Variants in TTC17 observed in about 807,000 individuals in gnomAD.
TTC17 encodes tetratricopeptide repeat protein 17.
A neutral mutation model predicts 143.8 loss-of-function variants in TTC17; 58 were observed. The observed-to-expected ratio is 0.40, with a 90% CI of 0.33 to 0.50. TTC17 has a LOEUF of 0.50. Among genes scored for constraint, TTC17 ranks in the 20% least tolerant of loss-of-function variants. TTC17 has a pLI of 0.49. For missense variants in TTC17, 1,273 were observed against 1,392.5 expected (o/e 0.91, Z 1.37); for synonymous variants, 501 against 497.8 (o/e 1.01, Z -0.09).
chr11:43,435,117 AG>A (rs1365653429), intron 16 of TTC17: 1 of 151,940 alleles, frequency 6.6e-6, no homozygotes, highest in Admixed American at 6.6e-5. Context: ...ATAGATAGAT[AG>A]ATAGATAGAT....
At chr11:43,434,995 C>T (rs1303600680) in intron 16 of TTC17, 1 of 151,970 alleles carries the variant, frequency 6.6e-6, no homozygotes, top group African/African-American at 2.4e-5. Flanking sequence ...TGAAAGAGAG[C>T]CATCAGTCAA....
At chr11:43,432,803 G>T (rs920178941) in intron 16 of TTC17, among the ~76,000 whole-genome samples, 2 of 152,078 alleles carry the variant, frequency 1.3e-5, no homozygotes, top group Non-Finnish European at 2.9e-5. Flanking sequence ...GTTCCCCTTT[G>T]AGCTGGAGCA....
intron 2 of TTC17, among the ~76,000 whole-genome samples, chr11:43,379,914 A>G (rs1565134514): frequency 6.6e-6 from 1 of 152,068 alleles, no homozygotes; most frequent in South Asian, 2.1e-4. Context: ...AGCAAACAGT[A>G]TTTGTTATTT....
chr11:43,433,960 A>G (rs777359843), intron 16 of TTC17, among the ~76,000 whole-genome samples: 6 of 152,066 alleles, frequency 3.9e-5, no homozygotes, highest in South Asian at 2.1e-4. Flanking sequence ...ATTATACTCA[A>G]TTGGGTGTGC....
At chr11:43,422,515 A>T (rs1451032709) in intron 16 of TTC17, among the ~76,000 whole-genome samples, 1 of 152,222 alleles carries the variant, frequency 6.6e-6, no homozygotes, top group Non-Finnish European at 1.5e-5. Flanking sequence ...GTCAAAAATC[A>T]GTTACTAGGG....
chr11:43,402,817 C>T (rs531769385), intron 10 of TTC17, among the ~76,000 whole-genome samples: 5 of 152,136 alleles, frequency 3.3e-5, no homozygotes, highest in Non-Finnish European at 7.3e-5. Context: ...GAAAACTCAT[C>T]ATGTCTAATC....
At chr11:43,447,492 C>T (rs1405223846) in intron 18 of TTC17, 1 of 152,594 alleles carries the variant, frequency 6.6e-6, no homozygotes, top group Non-Finnish European at 1.5e-5. Context: ...GTTGTTATAT[C>T]TGGGGAACAG....
At chr11:43,397,513 A>T (rs1479511078) in intron 7 of TTC17, 22 bp downstream of exon 7, 2 of 1,558,796 alleles carry the variant, frequency 1.3e-6, no homozygotes, top group African/African-American at 1.4e-5. Flanking sequence ...TCTTTGTTTC[A>T]TGAGTCATGC....
At chr11:43,389,605 C>A (rs757566055) in intron 2 of TTC17, 47 bp from the exon 3 acceptor site, 7 of 1,529,694 alleles carry the variant, frequency 4.6e-6, no homozygotes, top group Non-Finnish European at 6.1e-6. Context: ...GGTAGTTAGA[C>A]TAAAATATTA....
intron 21 of TTC17, among the ~76,000 whole-genome samples, chr11:43,468,868 T>C (rs1281945879): frequency 6.6e-6 from 1 of 152,142 alleles, no homozygotes; most frequent in African/African-American, 2.4e-5. Context: ...GAGGATGTAA[T>C]GAGCTATGAT....
intron 21 of TTC17, among the ~76,000 whole-genome samples, chr11:43,470,924 T>C (rs1948079932): frequency 6.6e-6 from 1 of 152,136 alleles, no homozygotes; most frequent in Non-Finnish European, 1.5e-5. Context: ...TACTAAAGGG[T>C]CCCCATGTTC....
At chr11:43,405,981 C>T in intron 13 of TTC17, 30 bp downstream of exon 13, 1 of 1,601,158 alleles carries the variant, frequency 6.2e-7, no homozygotes, top group South Asian at 1.1e-5. Flanking sequence ...GTATTTATTG[C>T]CGTCCATTCT....
intron 10 of TTC17, among the ~76,000 whole-genome samples, chr11:43,401,824 A>G (rs1857868476): frequency 6.6e-6 from 1 of 151,880 alleles, no homozygotes. Context: ...AAAAACATAT[A>G]TAAATTGGCC....
intron 21 of TTC17, among the ~76,000 whole-genome samples, chr11:43,460,399 T>C (rs11602173): frequency 0.088 from 13,437 of 152,222 alleles, 748 homozygotes; most frequent in Middle Eastern, 0.15. Flanking sequence ...GTAGATTACA[T>C]GGCTTCTGTC....
chr11:43,434,164 C>T (rs987079836), intron 16 of TTC17, among the ~76,000 whole-genome samples: 4 of 137,582 alleles, frequency 2.9e-5, no homozygotes, highest in African/African-American at 1.1e-4. Flanking sequence ...CCTCCATGGG[C>T]GGGGACACAC....
intron 16 of TTC17, among the ~76,000 whole-genome samples, chr11:43,421,360 A>G (rs1163225521): frequency 1.3e-5 from 2 of 152,200 alleles, no homozygotes; most frequent in Non-Finnish European, 2.9e-5. Context: ...AGAGATAAAT[A>G]TGGTGGAGGA....
chr11:43,450,120 A>C lies in TTC17; in HGVS notation c.2825A>C (p.Gln942Pro). The change falls in exon 20 of 24, where the codon CAG (glutamine) becomes CCG (proline). Residue 942 changes from glutamine (Q) to proline (P), a missense_variant. Gln to Pro is a moderately conservative substitution (Grantham distance 76). Coordinates refer to ENST00000039989, the MANE Select transcript of TTC17 (RefSeq NM_018259.6). Reference protein sequence around the residue: ...EHIDFATPIQQPAMEPLCNGN... With the variant: ...EHIDFATPIQPPAMEPLCNGN... ...ATAGATTTTGCCACCCCTATACAGC[A>C]GCCAGCAATGGAGCCTCTTTGCAAT... 9 of 1,614,190 alleles carry C rather than the reference A, an allele frequency of 5.6e-6. No homozygotes were observed. Among genetic ancestry groups the C allele is most frequent in the Non-Finnish European group, 7.6e-6 (9 of 1,180,020 alleles).
At chr11:43,370,521 T>C (rs1157250722) in intron 1 of TTC17, 2 of 152,004 alleles carry the variant, frequency 1.3e-5, no homozygotes, top group Admixed American at 1.3e-4. Context: ...AGACCTAAGC[T>C]TATATTTGTC....
chr11:43,453,602 T>C (rs1338552405), intron 21 of TTC17, among the ~76,000 whole-genome samples: 2 of 152,150 alleles, frequency 1.3e-5, no homozygotes, highest in Non-Finnish European at 2.9e-5. Context: ...GAAGACTGTC[T>C]AGAGATAAGC....
Sources: gnomAD v4.1 joint callset for allele counts (sites outside exome capture counted in the v4.1 genomes callset) on GRCh38, gnomAD v4.1.1 for gene constraint, MANE v1.5 for transcripts, NCBI Gene and HGNC (gene_info 2026-07-23, HGNC 2026-07-21) for gene names.